Variants in WWP2 observed in about 807,000 individuals in gnomAD.
The protein encoded by WWP2 is WW domain containing E3 ubiquitin protein ligase 2.
In WWP2, 57 loss-of-function variants were observed where a neutral mutation model predicts 121.0. The ratio of observed to expected loss-of-function variants is 0.47; its 90% confidence interval spans 0.38 to 0.59. WWP2 has a LOEUF of 0.59. Ranked by LOEUF, WWP2 falls within the 20% of genes least tolerant of loss-of-function variation. The pLI, the probability that WWP2 is intolerant of heterozygous loss-of-function variation, is 0.00. For synonymous variants in WWP2, 449 were observed against 441.3 expected (o/e 1.02, Z -0.22); for missense variants, 962 against 1,158.9 (o/e 0.83, Z 2.47).
chr16:69,816,502 A>G (rs2056493865), intron 4 of WWP2, among the ~76,000 whole-genome samples: 1 of 148,990 alleles, frequency 6.7e-6, no homozygotes, highest in African/African-American at 2.4e-5. Context: ...ATAAACATAT[A>G]TACACTAAAT....
intron 2 of WWP2, among the ~76,000 whole-genome samples, chr16:69,791,508 G>A (rs1053011617): frequency 2.0e-5 from 3 of 152,098 alleles, no homozygotes; most frequent in African/African-American, 4.8e-5. Flanking sequence ...GATTACAGGC[G>A]TAAGCCACTG....
rs776281930 is a variant in WWP2, at chr16:69,934,019, T to C, written c.1732T>C (p.Leu578=). 1.9e-6 allele frequency: 3 copies of C among 1,614,186 alleles called. No individual in the cohort carries two copies. In the East Asian group the frequency reaches 6.7e-5, roughly 36 times the overall value. Residue 578 remains leucine, a synonymous_variant, in exon 17 of 24, where the codon TTA becomes CTA. Transcript: ENST00000359154. ...SHEVLNPMYC[L]FEYAGKNNYC... ...TGAGGTGCTCAACCCTATGTATTGT[T>C]TATTTGAATATGCCGGAAAGAACAA...
chr16:69,923,320 T>TCG (rs529509304), intron 10 of WWP2, among the ~76,000 whole-genome samples: 1 of 33,558 alleles, frequency 3.0e-5, no homozygotes, highest in African/African-American at 9.0e-5. Flanking sequence ...GTTGGGGGGG[T>TCG]GGGGGGGGTG....
chr16:69,845,629 T>G (rs1289734313), intron 6 of WWP2, among the ~76,000 whole-genome samples: 1 of 152,068 alleles, frequency 6.6e-6, no homozygotes, highest in Admixed American at 6.5e-5. Context: ...GCTGTAGAAC[T>G]GGAACTGTGA....
intron 8 of WWP2, among the ~76,000 whole-genome samples, chr16:69,903,444 G>A (rs771328221): frequency 9.9e-5 from 15 of 152,168 alleles, no homozygotes; most frequent in Admixed American, 2.6e-4. Context: ...GGAGACTGCT[G>A]ATAAGATGAA....
chr16:69,813,482 ATTGT>A (rs1348995222), intron 4 of WWP2, among the ~76,000 whole-genome samples: 2 of 150,382 alleles, frequency 1.3e-5, no homozygotes, highest in Non-Finnish European at 3.0e-5. Context: ...TGTTTTTTAA[ATTGT>A]TTGTTTATTT....
intron 4 of WWP2, among the ~76,000 whole-genome samples, chr16:69,810,613 A>G (rs2056372584): frequency 6.6e-6 from 1 of 150,966 alleles, no homozygotes; most frequent in Admixed American, 6.6e-5. Flanking sequence ...ATTTTTTTTT[A>G]GTAGAGATGG....
At chr16:69,920,923 C>T in intron 10 of WWP2, among the ~76,000 whole-genome samples, 1 of 152,146 alleles carries the variant, frequency 6.6e-6, no homozygotes, top group East Asian at 1.9e-4. Context: ...TCACATCTGC[C>T]TGGTCTTTTT....
chr16:69,885,102 T>TACACACAAAC (rs2057900215), intron 7 of WWP2, among the ~76,000 whole-genome samples: 1 of 139,942 alleles, frequency 7.1e-6, no homozygotes, highest in Non-Finnish European at 1.6e-5. Context: ...AAACTCCTCC[T>TACACACAAAC]ACACACACAC....
At chr16:69,775,777 C>T (rs1258248689) in intron 1 of WWP2, among the ~76,000 whole-genome samples, 1 of 152,126 alleles carries the variant, frequency 6.6e-6, no homozygotes, top group Non-Finnish European at 1.5e-5. Flanking sequence ...TTCCTTACCC[C>T]TCCCTAGTTC....
intron 4 of WWP2, among the ~76,000 whole-genome samples, chr16:69,828,983 A>G (rs2056750504): frequency 6.6e-6 from 1 of 152,052 alleles, no homozygotes; most frequent in Admixed American, 6.5e-5. Flanking sequence ...GCACCTCAAC[A>G]TGTGCAAGTC....
intron 2 of WWP2, among the ~76,000 whole-genome samples, chr16:69,789,529 C>T (rs944825355): frequency 6.6e-5 from 10 of 152,046 alleles, no homozygotes; most frequent in Non-Finnish European, 1.5e-4. Flanking sequence ...TGCCCAGCCT[C>T]CTATAGTTCA....
In WWP2 at chr16:69,876,493, T is replaced by C. The variant is rs568993491; in HGVS notation, c.703+4562T>C. 4.6e-5 allele frequency among the ~76,000 whole-genome samples: 7 copies of C among 152,172 alleles called. No individual in the cohort carries two copies. The South Asian group carries it at 8.3e-4, about 18-fold the overall frequency. ...GATTCTTGTGCCTCAGCCTCCAAAG[T>C]AGCTGGGATTACAGGCATCTGCTAC... On this transcript the variant is annotated intron_variant, in intron 7 of 23. Coordinates refer to ENST00000359154, the MANE Select transcript of WWP2 (RefSeq NM_001270454.2).
chr16:69,874,450 C>T (rs900199222), intron 7 of WWP2, among the ~76,000 whole-genome samples: 5 of 152,162 alleles, frequency 3.3e-5, no homozygotes, highest in African/African-American at 1.2e-4. Context: ...ATTTAGCAGC[C>T]TTTTTTGGCT....
intron 9 of WWP2, chr16:69,909,881 G>T: frequency 4.0e-6 from 1 of 247,912 alleles, no homozygotes; most frequent in Non-Finnish European, 6.4e-6. Context: ...TGTTTCATCT[G>T]TACAAACTAG....
chr16:69,908,823 C>T lies in WWP2; in HGVS notation c.977C>T (p.Thr326Ile). ...TATGTTGACCACAATACCAAGACCA[C>T]CACCTGGGAGCGGCCCCTTCCTCCA... ...VYYVDHNTKT[T>I]TWERPLPPGW... The change falls in exon 9 of 24, where the codon ACC becomes ATC. Residue 326 changes from threonine to isoleucine, a missense_variant. Around this residue, in one of 3 missense-constraint regions of WWP2, gnomAD observed 606 missense variants for 772.6 expected, o/e 0.78. Coordinates refer to ENST00000359154, the MANE Select transcript of WWP2 (RefSeq NM_001270454.2). The T allele has an allele frequency of 1.2e-6, 2 of 1,614,210 alleles. No individual in the cohort carries two copies. The highest frequency in any genetic ancestry group is 1.7e-6 in the Non-Finnish European group (2 of 1,180,038).
chr16:69,932,703 T>C (rs1273084217), intron 16 of WWP2, among the ~76,000 whole-genome samples: 2 of 152,204 alleles, frequency 1.3e-5, no homozygotes, highest in East Asian at 3.9e-4. Context: ...AGGGCTCAAC[T>C]GCATGTCACA....
At chr16:69,931,772 G>T (rs777116579) in intron 15 of WWP2, 30 bp from the exon 16 acceptor site, 45 of 1,611,670 alleles carry the variant, frequency 2.8e-5, no homozygotes, top group Non-Finnish European at 3.6e-5. Flanking sequence ...AGGGAGAGTG[G>T]CAGGCTGGCC....
chr16:69,796,867 G>C (rs2056058278), intron 2 of WWP2, among the ~76,000 whole-genome samples: 1 of 152,236 alleles, frequency 6.6e-6, no homozygotes, highest in Admixed American at 6.5e-5. Context: ...TTTGGGGCCA[G>C]AGGAAGATAG....
Sources: gnomAD v4.1 joint callset for allele counts (sites outside exome capture counted in the v4.1 genomes callset) on GRCh38, gnomAD v4.1.1 for gene constraint, gnomAD v4.1.1 regional missense constraint, MANE v1.5 for transcripts, NCBI Gene and HGNC (gene_info 2026-07-23, HGNC 2026-07-21) for gene names.